The following NTM variants were observed in gnomAD, a reference collection of about 807,000 sequenced individuals.
NTM encodes the protein neurotrimin, also known as IgLON family member 2.
NTM carries 13 observed loss-of-function variants against 42.1 expected under a neutral mutation model. That is an observed-to-expected ratio of 0.31 (90% CI 0.20 to 0.49). The LOEUF (loss-of-function observed/expected upper bound fraction) is 0.49, where lower values mean the gene tolerates loss of function less well. Among genes scored for constraint, NTM ranks in the 20% least tolerant of loss-of-function variants. NTM has a pLI of 0.99. For synonymous variants in NTM, 187 were observed against 179.2 expected (o/e 1.04, Z -0.35); for missense variants, 373 against 452.8 (o/e 0.82, Z 1.60).
intron 4 of NTM, among the ~76,000 whole-genome samples, chr11:132,306,847 A>C (rs1161700196): frequency 1.3e-5 from 2 of 152,098 alleles, no homozygotes; most frequent in Non-Finnish European, 2.9e-5. Context: ...GAACTTTGAA[A>C]TCTCCTCTAG....
At position 131,667,957 on chromosome 11, in the gene NTM, T is replaced by C. The variant is rs549817173; in HGVS notation, c.83-243607T>C. Reference sequence around the variant, plus strand: ...CACCTCTCTTCCAAGTTAATAGTCATAGTTGCCACACACTGTGCAATCCAC... The same window carrying C: ...CACCTCTCTTCCAAGTTAATAGTCACAGTTGCCACACACTGTGCAATCCAC... On this transcript the variant is annotated intron_variant, in intron 1 of 8. Transcript: ENST00000683400. Among the ~76,000 whole-genome samples the C allele has an allele frequency of 3.9e-5, 6 of 152,300 alleles. No individual in the cohort carries two copies. The East Asian group carries it at 1.2e-3, about 29-fold the overall frequency.
chr11:131,595,504 T>C (rs1323586504), intron 1 of NTM, among the ~76,000 whole-genome samples: 1 of 152,204 alleles, frequency 6.6e-6, no homozygotes, highest in Non-Finnish European at 1.5e-5. Flanking sequence ...GAGAAACTAT[T>C]ATTTTGCAAA....
chr11:131,872,983 T>C (rs2047954930), intron 1 of NTM, among the ~76,000 whole-genome samples: 1 of 152,152 alleles, frequency 6.6e-6, no homozygotes, highest in Non-Finnish European at 1.5e-5. Context: ...CGTTCCTATT[T>C]CTCCACATCC....
chr11:131,685,207 A>G (rs1335078039), intron 1 of NTM, among the ~76,000 whole-genome samples: 3 of 152,176 alleles, frequency 2.0e-5, no homozygotes, highest in African/African-American at 7.2e-5. Flanking sequence ...GACAAGAACA[A>G]TCAGCTTGGG....
At chr11:132,070,103 A>C (rs1389763412) in intron 2 of NTM, among the ~76,000 whole-genome samples, 5 of 138,372 alleles carry the variant, frequency 3.6e-5, no homozygotes, top group South Asian at 2.4e-4. Context: ...TAACACGTCA[A>C]ACTGACCGTC....
intron 4 of NTM, among the ~76,000 whole-genome samples, chr11:132,273,486 A>G (rs2093589380): frequency 6.6e-6 from 1 of 151,976 alleles, no homozygotes; most frequent in African/African-American, 2.4e-5. Flanking sequence ...TAATTTCTAG[A>G]TAATAGGTAT....
In NTM at chr11:132,237,021, C is replaced by T. The variant is rs138616755; in HGVS notation, c.526+24874C>T. The stretch of plus-strand genomic sequence containing the variant: ...CCCTAGAGAGGACCCCAGTCCTCCA[C>T]GATCTGGCCAGAAACCTCATGGAAG... On this transcript the variant is annotated intron_variant, in intron 4 of 8. Transcript: ENST00000683400. Among the ~76,000 whole-genome samples the T allele has an allele frequency of 4.6e-3, 698 of 150,542 alleles. 4 individuals are homozygous for T. Among genetic ancestry groups the T allele is most frequent in the African/African-American group, 0.017 (663 of 39,936 alleles).
intron 1 of NTM, among the ~76,000 whole-genome samples, chr11:131,835,494 C>T (rs1015548357): frequency 1.3e-5 from 2 of 152,080 alleles, no homozygotes; most frequent in African/African-American, 2.4e-5. Flanking sequence ...AAGGACTCAA[C>T]CTCACTAATC....
intron 2 of NTM, among the ~76,000 whole-genome samples, chr11:131,983,398 T>C (rs2065578880): frequency 1.5e-5 from 2 of 136,574 alleles, no homozygotes; most frequent in South Asian, 2.2e-4. Context: ...TTTTTTGAGA[T>C]GGAGTCTCGC....
At chr11:132,164,929 C>T (rs893023719) in intron 3 of NTM, among the ~76,000 whole-genome samples, 2 of 152,190 alleles carry the variant, frequency 1.3e-5, no homozygotes, top group African/African-American at 4.8e-5. Flanking sequence ...GCAAACGCTA[C>T]TCTTCCTGAG....
At chr11:131,730,190 ATGT>A (rs1398525236) in intron 1 of NTM, among the ~76,000 whole-genome samples, 4 of 152,132 alleles carry the variant, frequency 2.6e-5, no homozygotes, top group Non-Finnish European at 5.9e-5. Flanking sequence ...ATGACTAATG[ATGT>A]TGTGCATCTT....
In NTM at chr11:131,467,942, T is replaced by C. The variant is rs557579499; in HGVS notation, c.82+97054T>C. On this transcript the variant is annotated intron_variant, in intron 1 of 8. Coordinates refer to ENST00000683400, the MANE Select transcript of NTM (RefSeq NM_001352005.2). ...AGCTCCCTCATGTTTCCTCTGTCTA[T>C]GGGATTCTGTATTTAAGAAGATTCT... Among the ~76,000 whole-genome samples the C allele has an allele frequency of 3.3e-5, 5 of 152,268 alleles. No homozygotes were observed. In the East Asian group the frequency reaches 7.7e-4, roughly 24 times the overall value.
chr11:132,226,087 A>G (rs1437592226), intron 4 of NTM, among the ~76,000 whole-genome samples: 1 of 152,206 alleles, frequency 6.6e-6, no homozygotes, highest in Non-Finnish European at 1.5e-5. Context: ...TATATGTACC[A>G]CATTTTCTTT....
intron 1 of NTM, among the ~76,000 whole-genome samples, chr11:131,467,222 G>A (rs915386463): frequency 6.6e-6 from 1 of 152,188 alleles, no homozygotes; most frequent in Non-Finnish European, 1.5e-5. Context: ...GGCCAAGAGG[G>A]GTAAGAAGGA....
intron 4 of NTM, among the ~76,000 whole-genome samples, chr11:132,270,107 A>T (rs576248697): frequency 4.5e-4 from 68 of 152,322 alleles, no homozygotes; most frequent in African/African-American, 1.6e-3. Context: ...CGTTTTATTC[A>T]TATGAGATCA....
chr11:131,659,557 A>G (rs1304477691), intron 1 of NTM, among the ~76,000 whole-genome samples: 2 of 152,250 alleles, frequency 1.3e-5, no homozygotes, highest in Admixed American at 6.5e-5. Context: ...TACATTCATA[A>G]TGAGAGAAAA....
chr11:131,877,612 G>T (rs900298046), intron 1 of NTM: 1 of 152,136 alleles, frequency 6.6e-6, no homozygotes, highest in African/African-American at 2.4e-5. Context: ...TTAAATCTCT[G>T]TTGGGTCTCC....
chr11:131,477,434 T>C (rs956447222), intron 1 of NTM, among the ~76,000 whole-genome samples: 1 of 151,694 alleles, frequency 6.6e-6, no homozygotes, highest in Non-Finnish European at 1.5e-5. Flanking sequence ...GGCCAGAGCA[T>C]CTAATATGAA....
chr11:131,823,382 G>A (rs1215812422), intron 1 of NTM, among the ~76,000 whole-genome samples: 2 of 152,156 alleles, frequency 1.3e-5, no homozygotes, highest in East Asian at 3.9e-4. Flanking sequence ...CAGTAGGTAA[G>A]CACGAAATTA....
Sources: gnomAD v4.1 joint callset for allele counts (sites outside exome capture counted in the v4.1 genomes callset) on GRCh38, gnomAD v4.1.1 for gene constraint, MANE v1.5 for transcripts, NCBI Gene and HGNC (gene_info 2026-07-23, HGNC 2026-07-21) for gene names.